IST1: variants seen among roughly 807,000 people sequenced by gnomAD.
IST1 encodes IST1 homolog.
In IST1, 23 loss-of-function variants were observed where a neutral mutation model predicts 37.0. The ratio of observed to expected loss-of-function variants is 0.62; its 90% confidence interval spans 0.45 to 0.88. The LOEUF (loss-of-function observed/expected upper bound fraction) is 0.88. Ranked by LOEUF, IST1 falls within the 40% of genes least tolerant of loss-of-function variation. The pLI is 0.00. For synonymous variants in IST1, 180 were observed against 161.7 expected (o/e 1.11, Z -0.86); for missense variants, 488 against 445.4 (o/e 1.10, Z -0.86).
intron 4 of IST1, 74 bp downstream of exon 4, chr16:71,917,208 C>G (rs771937643): frequency 5.1e-5 from 44 of 865,618 alleles, no homozygotes; most frequent in Non-Finnish European, 8.0e-5. Flanking sequence ...TAAGTTACTT[C>G]TGCTGATTTG....
intron 1 of IST1, among the ~76,000 whole-genome samples, chr16:71,903,985 A>G (rs2037165352): frequency 6.6e-6 from 1 of 152,158 alleles, no homozygotes; most frequent in African/African-American, 2.4e-5. Flanking sequence ...GTGCATTCAC[A>G]GTTAGGATTG....
intron 8 of IST1, chr16:71,924,559 C>T (rs1159174879): frequency 5.0e-6 from 3 of 597,066 alleles, no homozygotes; most frequent in East Asian, 2.8e-5. Flanking sequence ...TCACTGCACT[C>T]CAGCCTGGGT....
At chr16:71,895,861 C>G (rs1020396939) in intron 1 of IST1, among the ~76,000 whole-genome samples, 3 of 152,220 alleles carry the variant, frequency 2.0e-5, no homozygotes, top group Non-Finnish European at 4.4e-5. Context: ...CTCGAAGCCC[C>G]TTAACTTTCC....
At chr16:71,926,021 C>G (rs1383084618) in intron 9 of IST1, among the ~76,000 whole-genome samples, 2 of 152,054 alleles carry the variant, frequency 1.3e-5, no homozygotes, top group Non-Finnish European at 2.9e-5. Context: ...GTGGCTCACC[C>G]CTGTAATCCC....
intron 8 of IST1, among the ~76,000 whole-genome samples, chr16:71,923,702 G>C (rs2037666629): frequency 6.6e-6 from 1 of 152,124 alleles, no homozygotes; most frequent in Non-Finnish European, 1.5e-5. Context: ...ACACTGAGCT[G>C]ATACAATCGT....
chr16:71,927,535 A>T, intron 9 of IST1, 79 bp from the exon 10 acceptor site: 34 of 923,816 alleles, frequency 3.7e-5, no homozygotes, highest in Non-Finnish European at 5.5e-5. Flanking sequence ...CTGTGTTTTG[A>T]TCATTTTATT....
chr16:71,926,337 A>T (rs908360716), intron 9 of IST1, among the ~76,000 whole-genome samples: 7 of 151,960 alleles, frequency 4.6e-5, no homozygotes, highest in Admixed American at 1.3e-4. Context: ...TTTACATTTT[A>T]AAAAAACTCA....
chr16:71,894,923 T>G (rs2036931924), upstream of IST1: 2 of 1,153,862 alleles, frequency 1.7e-6, no homozygotes, highest in South Asian at 2.6e-5. Context: ...GAGACTGTGG[T>G]GCTGAGGAAA....
rs757647528 is a variant in IST1, at chr16:71,922,459, C to T, written c.553-15C>T. 1.3e-5 allele frequency: 21 copies of T among 1,611,180 alleles called. No homozygotes were observed. Among genetic ancestry groups the T allele is most frequent in the South Asian group, 1.1e-5 (1 of 90,952 alleles). On this transcript the variant is annotated splice_polypyrimidine_tract_variant and intron_variant, in intron 6 of 9. Coordinates refer to ENST00000378799, the MANE Select transcript of IST1 (RefSeq NM_001270975.2). ...GGACATGGGTTAATGACCTGGGTTTCTCTTTTTTTCTCAGGCAGAAGCTCC... is the reference window on the plus strand; with the variant it reads ...GGACATGGGTTAATGACCTGGGTTTTTCTTTTTTTCTCAGGCAGAAGCTCC...
intron 1 of IST1, among the ~76,000 whole-genome samples, chr16:71,897,954 G>GA (rs919667627): frequency 8.6e-5 from 13 of 151,952 alleles, no homozygotes; most frequent in South Asian, 2.1e-4. Flanking sequence ...GTCTCAAAAA[G>GA]AAAAAATTAT....
upstream of IST1, chr16:71,895,115 C>T: frequency 1.2e-5 from 4 of 331,324 alleles, no homozygotes; most frequent in Non-Finnish European, 2.3e-5. Flanking sequence ...GAAAGTCCAG[C>T]GAAAGGCGGC....
chr16:71,909,473 C>G (rs577204713), intron 1 of IST1, among the ~76,000 whole-genome samples: 1 of 152,146 alleles, frequency 6.6e-6, no homozygotes, highest in South Asian at 2.1e-4. Context: ...TGCATACATG[C>G]GTCTTCATGG....
intron 1 of IST1, among the ~76,000 whole-genome samples, chr16:71,897,596 A>G (rs1312777064): frequency 6.6e-6 from 1 of 152,230 alleles, no homozygotes; most frequent in African/African-American, 2.4e-5. Flanking sequence ...CACTTATTTC[A>G]GCATTACTTA....
upstream of IST1, chr16:71,894,599 TACTGCAGCAGCG>T: frequency 2.1e-6 from 1 of 484,100 alleles, no homozygotes; most frequent in Non-Finnish European, 3.7e-6. Flanking sequence ...GATCACGGTT[TACTGCAGCAGCG>T]ACCTTCTGGG....
chr16:71,894,743 C>A, upstream of IST1: 1 of 760,228 alleles, frequency 1.3e-6, no homozygotes, highest in East Asian at 3.0e-5. Context: ...ACTATGGTGT[C>A]CAGGCTGGTC....
intron 1 of IST1, among the ~76,000 whole-genome samples, chr16:71,896,594 G>A (rs2036977456): frequency 6.6e-6 from 1 of 152,026 alleles, no homozygotes; most frequent in Admixed American, 6.6e-5. Context: ...CCCAGTAGAA[G>A]CCTTTTGGCT....
chr16:71,929,941 G>A lies in IST1; in HGVS notation c.*2128G>A. ...GCAGAGCTTTTGAAACTAATAAAGGGAATATGATACTGTGCATTATAAATT... is the reference window on the plus strand; with the variant it reads ...GCAGAGCTTTTGAAACTAATAAAGGAAATATGATACTGTGCATTATAAATT... On this transcript the variant is annotated 3_prime_UTR_variant, in exon 10 of 10. Transcript: ENST00000378799. The A allele has an allele frequency of 7.8e-7, 1 of 1,278,552 alleles. No individual in the cohort carries two copies. The highest frequency in any genetic ancestry group is 1.1e-6 in the Non-Finnish European group (1 of 945,080). 79.2% of individuals were successfully genotyped at this position (1,278,552 alleles called of 1,614,324 possible). A position where few individuals can be genotyped will look rare whatever the true frequency, so the allele number is the denominator to read the frequency against.
At chr16:71,904,696 C>A (rs927126122) in intron 1 of IST1, among the ~76,000 whole-genome samples, 3 of 152,166 alleles carry the variant, frequency 2.0e-5, no homozygotes, top group African/African-American at 7.2e-5. Flanking sequence ...GCATGAGCCA[C>A]CATACCTGGC....
At chr16:71,896,057 C>T (rs962183140) in intron 1 of IST1, among the ~76,000 whole-genome samples, 1 of 152,224 alleles carries the variant, frequency 6.6e-6, no homozygotes, top group African/African-American at 2.4e-5. Context: ...GGCGGGGTGG[C>T]CTCCTGGGCT....
Sources: allele counts gnomAD v4.1 joint callset (sites outside exome capture counted in the v4.1 genomes callset), GRCh38; gene constraint gnomAD v4.1.1; transcripts MANE v1.5; gene names NCBI Gene and HGNC (gene_info 2026-07-23, HGNC 2026-07-21).